The following PRKD1 variants were observed in gnomAD, a reference collection of about 807,000 sequenced individuals.
The protein encoded by PRKD1 is protein kinase D1.
PRKD1 carries 63 observed loss-of-function variants against 95.9 expected under a neutral mutation model. The ratio of observed to expected loss-of-function variants is 0.66; its 90% CI spans 0.54 to 0.81. PRKD1 has a LOEUF of 0.81. Ranked by LOEUF, PRKD1 falls within the 30% of genes least tolerant of loss-of-function variation. PRKD1 has a pLI of 0.00. For missense variants in PRKD1, 1,048 were observed against 1,165.3 expected, an observed-to-expected ratio of 0.90 and a Z score of 1.47; for synonymous variants, 425 against 423.1, an observed-to-expected ratio of 1.00 and a Z score of -0.05.
At chr14:29,616,253 A>AAC (rs1432144711) in intron 13 of PRKD1, among the ~76,000 whole-genome samples, 3 of 149,960 alleles carry the variant, frequency 2.0e-5, no homozygotes, top group Admixed American at 1.3e-4. Flanking sequence ...CAAAAAAAAA[A>AAC]AAAAAAAAAA....
chr14:29,600,094 T>C (rs1241334101), intron 13 of PRKD1, among the ~76,000 whole-genome samples: 1 of 152,212 alleles, frequency 6.6e-6, no homozygotes, highest in Non-Finnish European at 1.5e-5. Flanking sequence ...TTAATTAGAA[T>C]ACCATATTGA....
In PRKD1 at chr14:29,663,975, T is replaced by A. The variant is rs1016845113; in HGVS notation, c.536-116A>T. 7 of 1,085,486 alleles carry A rather than the reference T, an allele frequency of 6.4e-6. No homozygotes were observed. The African/African-American group carries it at 8.0e-5, about 12-fold the overall frequency. The allele number at this position is 1,085,486 out of a possible 1,614,324, so 67.2% of individuals were successfully genotyped here. ...ACAGCTTCCATTTTCCTTGAGAGTA[T>A]TTGGAAATTCACATTTTCTTTTGAA... On this transcript the variant is annotated intron_variant, in intron 3 of 17. Coordinates refer to ENST00000331968, the MANE Select transcript of PRKD1 (RefSeq NM_002742.3).
chr14:29,726,488 A>G (rs546922930), intron 1 of PRKD1, among the ~76,000 whole-genome samples: 22 of 152,330 alleles, frequency 1.4e-4, no homozygotes, highest in African/African-American at 4.8e-4. Context: ...AGGGAAAAAG[A>G]AAATTATCTT....
chr14:29,731,323 AAC>A (rs1402745367), intron 1 of PRKD1, among the ~76,000 whole-genome samples: 2 of 152,026 alleles, frequency 1.3e-5, no homozygotes, highest in Non-Finnish European at 2.9e-5. Context: ...GCATAAATTT[AAC>A]ACTTTTACAT....
At chr14:29,924,510 T>G (rs555778289) in intron 1 of PRKD1, among the ~76,000 whole-genome samples, 1 of 152,202 alleles carries the variant, frequency 6.6e-6, no homozygotes, top group Non-Finnish European at 1.5e-5. Context: ...ATATTTCCAA[T>G]GCTCGTATGA....
chr14:29,882,092 GAC>G (rs1893534073), intron 1 of PRKD1, among the ~76,000 whole-genome samples: 2 of 151,034 alleles, frequency 1.3e-5, no homozygotes, highest in Middle Eastern at 3.4e-3. Context: ...CTCAATCCCT[GAC>G]ACAACAGTAA....
At chr14:29,737,031 G>A (rs45481894) in intron 1 of PRKD1, among the ~76,000 whole-genome samples, 1,902 of 152,196 alleles carry the variant, frequency 0.012, 44 homozygotes, top group African/African-American at 0.043. Context: ...ATTAGGAAAT[G>A]AAAATACTCG....
At chr14:29,706,649 T>C (rs979914176) in intron 2 of PRKD1, among the ~76,000 whole-genome samples, 3 of 152,158 alleles carry the variant, frequency 2.0e-5, no homozygotes, top group Non-Finnish European at 4.4e-5. Flanking sequence ...AGAAAAAATG[T>C]TAAAACATGT....
chr14:29,892,063 T>C (rs1291663318), intron 1 of PRKD1, among the ~76,000 whole-genome samples: 1 of 152,212 alleles, frequency 6.6e-6, no homozygotes, highest in African/African-American at 2.4e-5. Context: ...CTAACTTTCA[T>C]CAAGCCTTAT....
At chr14:29,866,760 T>C (rs1286595899) in intron 1 of PRKD1, among the ~76,000 whole-genome samples, 2 of 152,142 alleles carry the variant, frequency 1.3e-5, no homozygotes, top group Non-Finnish European at 2.9e-5. Flanking sequence ...CAAAGAAGAA[T>C]GTGGCAGAGG....
intron 13 of PRKD1, among the ~76,000 whole-genome samples, chr14:29,618,821 C>T (rs961733406): frequency 6.6e-6 from 1 of 151,842 alleles, no homozygotes; most frequent in Non-Finnish European, 1.5e-5. Flanking sequence ...CTCACATTCC[C>T]TATTTACACA....
intron 1 of PRKD1, among the ~76,000 whole-genome samples, chr14:29,787,409 T>G (rs1163086461): frequency 6.6e-6 from 1 of 152,012 alleles, no homozygotes; most frequent in African/African-American, 2.4e-5. Context: ...TAGATGATCT[T>G]TCCAGTGCTA....
chr14:29,850,247 GA>G (rs1892255280), intron 1 of PRKD1, among the ~76,000 whole-genome samples: 1 of 151,870 alleles, frequency 6.6e-6, no homozygotes, highest in Non-Finnish European at 1.5e-5. Context: ...AATAGAAAAA[GA>G]AAAAGAATAA....
chr14:29,839,581 CTG>C (rs1054743655), intron 1 of PRKD1, among the ~76,000 whole-genome samples: 4 of 152,096 alleles, frequency 2.6e-5, no homozygotes, highest in Non-Finnish European at 5.9e-5. Flanking sequence ...CAGTAGGGCT[CTG>C]TGTCTCCATG....
At chr14:29,674,670 A>G (rs1883051779) in intron 2 of PRKD1, among the ~76,000 whole-genome samples, 1 of 152,266 alleles carries the variant, frequency 6.6e-6, no homozygotes, top group African/African-American at 2.4e-5. Flanking sequence ...CATCGTGTAC[A>G]GGAGGCTTTA....
chr14:29,589,811 A>C (rs1442835105), intron 16 of PRKD1, among the ~76,000 whole-genome samples: 3 of 152,158 alleles, frequency 2.0e-5, no homozygotes. Flanking sequence ...AGACATGTAC[A>C]AAAGCAAAAA....
Position 29,758,940 on chromosome 14 carries a change from AG to A in PRKD1, c.265-33267del, listed in dbSNP as rs45541834. Among the ~76,000 whole-genome samples, 283 of 152,368 alleles carry A rather than the reference AG, an allele frequency of 1.9e-3. 1 individual carries two copies. Among genetic ancestry groups the A allele is most frequent in the African/African-American group, 6.5e-3 (270 of 41,594 alleles). On this transcript the variant is annotated intron_variant, in intron 1 of 17. Coordinates refer to ENST00000331968, the MANE Select transcript of PRKD1 (RefSeq NM_002742.3). ...TGGTATAAGCACATTCACTTCTACTAGAGAGTTTCTATACTTACGAACTCCC... is the reference window on the plus strand; with the variant it reads ...TGGTATAAGCACATTCACTTCTACTAAGAGTTTCTATACTTACGAACTCCC...
chr14:29,876,252 A>T (rs1299309707), intron 1 of PRKD1, among the ~76,000 whole-genome samples: 1 of 152,206 alleles, frequency 6.6e-6, no homozygotes, highest in Non-Finnish European at 1.5e-5. Flanking sequence ...GAATTATCTC[A>T]CTATATGTGG....
At chr14:29,637,890 A>C (rs1880490231) in intron 6 of PRKD1, among the ~76,000 whole-genome samples, 1 of 152,234 alleles carries the variant, frequency 6.6e-6, no homozygotes, top group Non-Finnish European at 1.5e-5. Flanking sequence ...AAAGACCACT[A>C]TCTGCAGAAA....
Sources: gnomAD v4.1 joint callset for allele counts (sites outside exome capture counted in the v4.1 genomes callset) on GRCh38, gnomAD v4.1.1 for gene constraint, MANE v1.5 for transcripts, NCBI Gene and HGNC (gene_info 2026-07-23, HGNC 2026-07-21) for gene names.